The following RC3H2 variants were observed in gnomAD, a reference collection of about 807,000 sequenced individuals.
RC3H2 encodes the protein roquin-2.
RC3H2 carries 31 observed loss-of-function variants against 133.3 expected under a neutral mutation model. The observed-to-expected ratio is 0.23, with a 90% CI of 0.17 to 0.31. The LOEUF is 0.31. RC3H2 is among the 10% of genes least tolerant of loss of function. The probability of loss-of-function intolerance (pLI) is 1.00; values close to 1 mark genes in which losing one functional copy is unlikely to be tolerated. For synonymous variants in RC3H2, 517 were observed against 502.2 expected (o/e 1.03, Z -0.40); for missense variants, 1,175 against 1,437.2 (o/e 0.82, Z 2.95).
chr9:122,865,140 C>A (rs1409337624), intron 10 of RC3H2, among the ~76,000 whole-genome samples: 1 of 152,122 alleles, frequency 6.6e-6, no homozygotes, highest in African/African-American at 2.4e-5. Context: ...GAGTTAAAGT[C>A]ACTTTCCCAC....
chr9:122,870,495 A>G (rs1269553560), intron 9 of RC3H2, among the ~76,000 whole-genome samples: 1 of 152,242 alleles, frequency 6.6e-6, no homozygotes, highest in Non-Finnish European at 1.5e-5. Context: ...AACCTCTCAA[A>G]AAAGAGTCAG....
intron 4 of RC3H2, among the ~76,000 whole-genome samples, chr9:122,889,780 C>T (rs920313297): frequency 5.9e-5 from 9 of 152,140 alleles, no homozygotes; most frequent in Admixed American, 3.9e-4. Flanking sequence ...GCAATTGAAG[C>T]TTAAATGAGA....
intron 4 of RC3H2, among the ~76,000 whole-genome samples, chr9:122,889,568 G>A (rs2131483929): frequency 6.6e-6 from 1 of 152,064 alleles, no homozygotes; most frequent in East Asian, 1.9e-4. Context: ...CATTACCTTG[G>A]TATAGGTGAA....
intron 4 of RC3H2, chr9:122,890,076 G>A: frequency 1.7e-6 from 1 of 598,500 alleles, no homozygotes; most frequent in East Asian, 2.7e-5. Context: ...TGGATGTCGA[G>A]GCTGCAGTGA....
chr9:122,852,750 A>G (rs1467939331), intron 18 of RC3H2, among the ~76,000 whole-genome samples: 4 of 141,428 alleles, frequency 2.8e-5, no homozygotes, highest in African/African-American at 5.4e-5. Flanking sequence ...CCCGTCCGGG[A>G]GGGAGGTGGG....
intron 9 of RC3H2, among the ~76,000 whole-genome samples, chr9:122,872,401 A>G (rs1279090584): frequency 6.6e-6 from 1 of 152,228 alleles, no homozygotes; most frequent in Non-Finnish European, 1.5e-5. Context: ...ATCCATGCAG[A>G]CACCAGAGTG....
intron 3 of RC3H2, among the ~76,000 whole-genome samples, chr9:122,891,140 C>T (rs7869579): frequency 6.6e-6 from 1 of 151,584 alleles, no homozygotes; most frequent in African/African-American, 2.4e-5. Context: ...CTGCCTCAGC[C>T]TCCCGAGTAG....
chr9:122,870,575 T>C (rs553463617), intron 9 of RC3H2, among the ~76,000 whole-genome samples: 16 of 152,310 alleles, frequency 1.1e-4, no homozygotes, highest in South Asian at 4.1e-4. Flanking sequence ...ATTCTTAGTA[T>C]TGGGGCAGCT....
In RC3H2 at chr9:122,883,399, A is replaced by G. The variant is rs757137977; in HGVS notation, c.584-20T>C. On this transcript the variant is annotated intron_variant, in intron 4 of 20. Coordinates refer to ENST00000357244, the MANE Select transcript of RC3H2 (RefSeq NM_001100588.3). ...GCATAGCTAAAAATATTAAAGGAAC[A>G]TGAGTTCATGACAAATGAGGAACCC... is the stretch of plus-strand genomic sequence containing the variant. The G allele has an allele frequency of 1.3e-5, 20 of 1,574,102 alleles. No individual in the cohort carries two copies. The highest frequency in any genetic ancestry group is 1.6e-5 in the Non-Finnish European group (19 of 1,163,460).
chr9:122,872,236 T>G (rs916085579), intron 9 of RC3H2, among the ~76,000 whole-genome samples: 1 of 152,216 alleles, frequency 6.6e-6, no homozygotes, highest in South Asian at 2.1e-4. Flanking sequence ...TTCCTCTCTT[T>G]TCTTTATAGC....
At chr9:122,857,861 G>A in intron 13 of RC3H2, 62 bp downstream of exon 13, 3 of 1,428,304 alleles carry the variant, frequency 2.1e-6, no homozygotes, top group African/African-American at 1.4e-5. Context: ...GTTTGAATGA[G>A]TAATTTGAAG....
chr9:122,864,968 CTG>C (rs1830584245), intron 10 of RC3H2, among the ~76,000 whole-genome samples: 1 of 152,078 alleles, frequency 6.6e-6, no homozygotes, highest in African/African-American at 2.4e-5. Context: ...AGCGCTCTGA[CTG>C]AAACAGAGCT....
At chr9:122,883,111 G>T in intron 5 of RC3H2, 93 bp downstream of exon 5, 1 of 1,154,274 alleles carries the variant, frequency 8.7e-7, no homozygotes, top group South Asian at 1.4e-5. Context: ...TAAGCATTCT[G>T]CATTGCTAGG....
rs771557971 is a variant in RC3H2, at chr9:122,873,331, GAAGT to G, written c.1325+4136_1325+4139del. On this transcript the variant is annotated intron_variant, in intron 9 of 20. Coordinates refer to ENST00000357244, the MANE Select transcript of RC3H2 (RefSeq NM_001100588.3). ...AGAGTGTGAAGCTGGTTGGAAATAA[GAAGT>G]AAGAACTGTATATTATTTGCTCCTC... 7.7e-4 allele frequency among the ~76,000 whole-genome samples: 117 copies of G among 152,248 alleles called. 2 individuals carry two copies. Among genetic ancestry groups the G allele is most frequent in the Non-Finnish European group, 1.1e-3 (78 of 67,998 alleles).
intron 1 of RC3H2, among the ~76,000 whole-genome samples, chr9:122,901,747 A>G (rs1588119589): frequency 1.3e-5 from 2 of 150,658 alleles, no homozygotes; most frequent in East Asian, 3.9e-4. Context: ...GCGCACCACC[A>G]TGCCCGGTTA....
chr9:122,889,344 T>C (rs1167333469), intron 4 of RC3H2, among the ~76,000 whole-genome samples: 1 of 152,178 alleles, frequency 6.6e-6, no homozygotes, highest in Non-Finnish European at 1.5e-5. Flanking sequence ...CAGTATATTT[T>C]TATTTTTAAT....
At chr9:122,888,734 C>A (rs2596701) in intron 4 of RC3H2, among the ~76,000 whole-genome samples, 112,260 of 152,118 alleles carry the variant, frequency 0.74, 43,614 homozygotes, top group Non-Finnish European at 0.88. Context: ...TACCTTATTA[C>A]GCATAGGCAT....
chr9:122,854,161 T>G, intron 17 of RC3H2, 24 bp downstream of exon 17: 1 of 1,612,224 alleles, frequency 6.2e-7, no homozygotes, highest in Non-Finnish European at 8.5e-7. Context: ...TCTCAAAAAT[T>G]TATAGCTGAG....
intron 9 of RC3H2, 151 bp from the exon 10 acceptor site, chr9:122,865,808 T>C (rs2131408738): frequency 1.6e-6 from 1 of 634,526 alleles, no homozygotes; most frequent in South Asian, 2.0e-5. Context: ...ACAGTCTATA[T>C]CAAATTCTAC....
Sources: allele counts gnomAD v4.1 joint callset (sites outside exome capture counted in the v4.1 genomes callset), GRCh38; gene constraint gnomAD v4.1.1; transcripts MANE v1.5; gene names NCBI Gene and HGNC (gene_info 2026-07-23, HGNC 2026-07-21).